TSPEAR: variants seen among roughly 807,000 people sequenced by gnomAD.
TSPEAR encodes thrombospondin type laminin G domain and EAR repeats.
Under a neutral mutation model 71.6 loss-of-function variants are expected in TSPEAR, and 69 were observed. That is an observed-to-expected ratio of 0.96 (90% CI 0.79 to 1.18). The LOEUF is 1.18. Among genes scored for constraint, TSPEAR ranks in the 50% most tolerant of loss-of-function variants. The pLI, the probability that TSPEAR is intolerant of heterozygous loss-of-function variation, is 0.00. For missense variants in TSPEAR, 971 were observed against 894.9 expected, an observed-to-expected ratio of 1.09 and a Z score of -1.09; for synonymous variants, 402 against 387.2, an observed-to-expected ratio of 1.04 and a Z score of -0.45.
At chr21:44,611,613 C>T (rs1981677868) in intron 1 of TSPEAR, among the ~76,000 whole-genome samples, 1 of 152,090 alleles carries the variant, frequency 6.6e-6, no homozygotes, top group Admixed American at 6.5e-5. Flanking sequence ...GGTGGGGAGC[C>T]AGGGGGCATT....
chr21:44,586,059 T>C, intron 1 of TSPEAR, among the ~76,000 whole-genome samples: 1 of 152,326 alleles, frequency 6.6e-6, no homozygotes, highest in East Asian at 1.9e-4. Context: ...TCTCTTCCTC[T>C]CCATCCTAGG....
At chr21:44,579,564 A>G (rs1468633631) in intron 1 of TSPEAR, 1 of 675,978 alleles carries the variant, frequency 1.5e-6, no homozygotes, top group Non-Finnish European at 2.5e-6. Context: ...AGGGGACCCA[A>G]CAGGCAGGTG....
intron 1 of TSPEAR, among the ~76,000 whole-genome samples, chr21:44,618,369 G>A (rs1445984664): frequency 1.3e-5 from 2 of 152,136 alleles, no homozygotes; most frequent in Non-Finnish European, 2.9e-5. Context: ...GTCAATCAAA[G>A]TTCTTTCCTT....
At chr21:44,572,940 A>G (rs1361248040) in intron 1 of TSPEAR, among the ~76,000 whole-genome samples, 1 of 151,368 alleles carries the variant, frequency 6.6e-6, no homozygotes, top group Non-Finnish European at 1.5e-5. Flanking sequence ...CTGTAAGCCA[A>G]GGACCCCAAA....
In TSPEAR at chr21:44,533,783, G is replaced by A. The variant is rs1053613040; in HGVS notation, c.444C>T (p.Arg148=). ...AGCGGCCATCCACCAGGGCCGGGCT[G>A]CGGAAGGACACTCGGGTCTGCCAGG... The part of the protein sequence containing the change: ...AGAWQTRVSF[R]SPALVDGRWH... The change falls in exon 3 of 12, where the codon CGC becomes CGT. Residue 148 remains arginine (R), a synonymous_variant. Coordinates refer to ENST00000323084, the MANE Select transcript of TSPEAR (RefSeq NM_144991.3). The A allele has an allele frequency of 1.2e-6, 2 of 1,612,528 alleles. No individual in the cohort carries two copies. Among genetic ancestry groups the A allele is most frequent in the Non-Finnish European group, 1.7e-6 (2 of 1,179,894 alleles).
At chr21:44,627,725 C>T in intron 1 of TSPEAR, 1 of 1,594,658 alleles carries the variant, frequency 6.3e-7, no homozygotes, top group Non-Finnish European at 8.6e-7. Context: ...TACTGTGTGC[C>T]TGTCTGCTGT....
chr21:44,509,245 C>G lies in TSPEAR; in HGVS notation c.1708G>C (p.Val570Leu), dbSNP rs372331971. The part of the protein sequence containing the change: ...VINSVIYELN[V>L]TAQAFVKFQD... ...AACTTGACAAAGGCCTGCGCGGTCA[C>G]GTTCAGCTCGTAGATGACGGAGTTG... Residue 570 changes from valine to leucine, a missense_variant, in exon 10 of 12, where the codon GTG (valine) becomes CTG (leucine). Physicochemically the swap from Val to Leu is conservative, Grantham distance 32. Transcript: ENST00000323084. The G allele has an allele frequency of 5.6e-6, 9 of 1,613,932 alleles. No homozygotes were observed. The highest frequency in any genetic ancestry group is 6.8e-6 in the Non-Finnish European group (8 of 1,180,020).
intron 2 of TSPEAR, among the ~76,000 whole-genome samples, chr21:44,536,668 T>C (rs1357916922): frequency 1.3e-5 from 2 of 152,240 alleles, no homozygotes; most frequent in African/African-American, 4.8e-5. Flanking sequence ...AGCATCATCC[T>C]GGGTGTTCAA....
intron 1 of TSPEAR, among the ~76,000 whole-genome samples, chr21:44,661,944 A>T (rs1190641356): frequency 6.6e-6 from 1 of 152,204 alleles, no homozygotes; most frequent in Non-Finnish European, 1.5e-5. Flanking sequence ...ACAATTCAAC[A>T]TGAGATTTGG....
intron 2 of TSPEAR, chr21:44,558,325 C>G: frequency 6.2e-7 from 1 of 1,613,962 alleles, no homozygotes; most frequent in Non-Finnish European, 8.5e-7. Flanking sequence ...GAGGAAGCCC[C>G]AGAGCAGACG....
chr21:44,671,233 T>C (rs2329891), intron 1 of TSPEAR, among the ~76,000 whole-genome samples: 6,002 of 152,270 alleles, frequency 0.039, 129 homozygotes, highest in Middle Eastern at 0.085. Context: ...CCACCACTTA[T>C]ATTAGGAAGT....
At chr21:44,665,875 T>C (rs2256361) in intron 1 of TSPEAR, among the ~76,000 whole-genome samples, 108,895 of 152,126 alleles carry the variant, frequency 0.72, 39,431 homozygotes, top group African/African-American at 0.82. Context: ...AAAACCCAAT[T>C]GTCAATGCTC....
At chr21:44,658,009 C>T in intron 1 of TSPEAR, 1 of 1,613,764 alleles carries the variant, frequency 6.2e-7, no homozygotes, top group Non-Finnish European at 8.5e-7. Context: ...CCCCAGCCTG[C>T]CAGCCAACCT....
intron 2 of TSPEAR, among the ~76,000 whole-genome samples, chr21:44,536,092 G>A (rs587703092): frequency 4.3e-4 from 65 of 152,330 alleles, no homozygotes; most frequent in Middle Eastern, 6.8e-3. Context: ...CAGTGGCAGA[G>A]TCCAGCCCTG....
At chr21:44,548,837 T>TGCCACCACCATG (rs2053348591) in intron 2 of TSPEAR, among the ~76,000 whole-genome samples, 1 of 152,198 alleles carries the variant, frequency 6.6e-6, no homozygotes, top group Admixed American at 6.5e-5. Context: ...ATGAACACTC[T>TGCCACCACCATG]GCACCAGCAA....
chr21:44,645,555 T>C (rs1451276170), intron 1 of TSPEAR, among the ~76,000 whole-genome samples: 3 of 151,912 alleles, frequency 2.0e-5, no homozygotes, highest in African/African-American at 7.3e-5. Flanking sequence ...GGTTTCACCA[T>C]GCTGGCCAGG....
intron 1 of TSPEAR, among the ~76,000 whole-genome samples, chr21:44,620,704 T>C (rs1448462827): frequency 6.6e-6 from 1 of 152,266 alleles, no homozygotes; most frequent in East Asian, 1.9e-4. Flanking sequence ...TTCTGCTAAA[T>C]TTGGATTCAC....
At position 44,625,510 on chromosome 21, in the gene TSPEAR, G is replaced by A. The variant is rs587670649; in HGVS notation, c.83-57505C>T. ...TGATTGAAGCGTATCATAAAGCTAT[G>A]GCCTGAAAGAGCAGAACCAAATCCA... On this transcript the variant is annotated intron_variant, in intron 1 of 11. Coordinates refer to ENST00000323084, the MANE Select transcript of TSPEAR (RefSeq NM_144991.3). Among the ~76,000 whole-genome samples, 87 of 152,312 alleles carry A rather than the reference G, an allele frequency of 5.7e-4. 1 individual carries two copies. Among genetic ancestry groups the A allele is most frequent in the African/African-American group, 2.1e-3 (87 of 41,554 alleles).
intron 1 of TSPEAR, chr21:44,647,634 A>C: frequency 2.1e-6 from 1 of 483,412 alleles, no homozygotes. Context: ...TAATCAATAA[A>C]TTCTTGAGTC....
Sources: gnomAD v4.1 joint callset for allele counts (sites outside exome capture counted in the v4.1 genomes callset) on GRCh38, gnomAD v4.1.1 for gene constraint, MANE v1.5 for transcripts, NCBI Gene and HGNC (gene_info 2026-07-23, HGNC 2026-07-21) for gene names.